Variants in INTS3 observed in about 807,000 individuals in gnomAD.
The protein encoded by INTS3 is SOSS complex subunit A.
Under a neutral mutation model 146.3 loss-of-function variants are expected in INTS3, and 34 were observed. The ratio of observed to expected loss-of-function variants is 0.23; its 90% CI spans 0.18 to 0.31. The LOEUF (loss-of-function observed/expected upper bound fraction) is 0.31, where lower values mean the gene tolerates loss of function less well. Ranked by LOEUF, INTS3 falls within the 10% of genes least tolerant of loss-of-function variation. INTS3 has a pLI of 1.00. For missense variants in INTS3, 757 were observed against 1,304.2 expected, an observed-to-expected ratio of 0.58 and a Z score of 6.46; for synonymous variants, 475 against 494.9, an observed-to-expected ratio of 0.96 and a Z score of 0.53.
rs1672815752 is a variant in INTS3, at chr1:153,770,689, C to G, written c.2508C>G (p.His836Gln). The change falls in exon 25 of 30, where the codon CAC becomes CAG. Residue 836 changes from histidine (H) to glutamine (Q), a missense_variant. His to Gln is a conservative substitution (Grantham distance 24). This residue lies in a region of INTS3 where 116 missense variants were observed against 226.5 expected (regional missense o/e 0.51). Transcript: ENST00000318967. ...PILQHLKYKE[H>Q]PEALSCLLLQ... Reference sequence around the variant, plus strand: ...GCCTCTGCCCTTCCCTCACAGAGCACCCAGAGGCCCTGTCCTGCCTACTGC... The same window carrying G: ...GCCTCTGCCCTTCCCTCACAGAGCAGCCAGAGGCCCTGTCCTGCCTACTGC... The G allele has an allele frequency of 6.2e-7, 1 of 1,613,506 alleles. No individual in the cohort carries two copies. Among genetic ancestry groups the G allele is most frequent in the African/African-American group, 1.3e-5 (1 of 74,902 alleles).
At chr1:153,761,529 G>C in intron 13 of INTS3, 41 bp from the exon 14 acceptor site, 1 of 1,378,588 alleles carries the variant, frequency 7.3e-7, no homozygotes, top group South Asian at 1.2e-5. Flanking sequence ...ATAAAAATAA[G>C]AGAAGCTCTG....
At chr1:153,749,259 A>T (rs1671868318) in intron 6 of INTS3, among the ~76,000 whole-genome samples, 1 of 152,148 alleles carries the variant, frequency 6.6e-6, no homozygotes, top group South Asian at 2.1e-4. Flanking sequence ...TAGAGGGTGC[A>T]TCAGGGGGTA....
At chr1:153,763,474 G>A (rs558620304) in intron 16 of INTS3, 112 bp downstream of exon 16, 1 of 1,168,494 alleles carries the variant, frequency 8.6e-7, no homozygotes, top group African/African-American at 1.5e-5. Context: ...ATAGGAGTGT[G>A]TGGAGAGGTA....
chr1:153,764,241 A>T lies in INTS3; in HGVS notation c.1925+20A>T. 6.5e-7 allele frequency: 1 copy of T among 1,549,420 alleles called. No homozygotes were observed. Among genetic ancestry groups the T allele is most frequent in the Non-Finnish European group, 8.9e-7 (1 of 1,122,154 alleles). Reference sequence around the variant, plus strand: ...TGAGGAGTAAGGCTGATTTTCCCTCACTCCAGAGCCTCAGGAGCCAGAGGG... The same window carrying T: ...TGAGGAGTAAGGCTGATTTTCCCTCTCTCCAGAGCCTCAGGAGCCAGAGGG... On this transcript the variant is annotated intron_variant, in intron 18 of 29. Transcript: ENST00000318967.
rs1157606413 is a variant in INTS3 at position 153,757,481 on chromosome 1, G to A, written c.958-91G>A. 2.7e-6 allele frequency: 3 copies of A among 1,094,676 alleles called. No individual in the cohort carries two copies. The highest frequency in any genetic ancestry group is 4.1e-6 in the Non-Finnish European group (3 of 736,576). 67.8% of individuals were successfully genotyped at this position (1,094,676 alleles called of 1,614,324 possible). A position where few individuals can be genotyped will look rare whatever the true frequency, so the allele number is the denominator to read the frequency against. ...AATTGTGGAGAAATAGAGGTCTAGG[G>A]CAAACCTAGAGTTAAGTGGTGCTCG... On this transcript the variant is annotated intron_variant, in intron 9 of 29. Transcript: ENST00000318967. This position sits in a 1 kb window ranked among gnomAD's most constrained non-coding sequence, Gnocchi z 4.0.
At chr1:153,747,184 A>C in intron 4 of INTS3, 95 bp from the exon 5 acceptor site, 1 of 1,305,182 alleles carries the variant, frequency 7.7e-7, no homozygotes, top group Non-Finnish European at 1.1e-6. Context: ...TTGTGTGTCT[A>C]AATTGTAATG....
At chr1:153,749,057 G>T (rs916994974) in intron 6 of INTS3, among the ~76,000 whole-genome samples, 1 of 152,152 alleles carries the variant, frequency 6.6e-6, no homozygotes, top group African/African-American at 2.4e-5. Flanking sequence ...GGGAAGTTGG[G>T]GAGGAATGAG....
rs1248580914 is a variant in INTS3, at chr1:153,772,199, C to G, written c.2721-141C>G. ...CCTGTTCTAGGCACACCTTTCTCAC[C>G]CAACCCCAGCCCTCCCAGGCTGCCT... is the stretch of plus-strand genomic sequence containing the variant. On this transcript the variant is annotated intron_variant, in intron 26 of 29. Coordinates refer to ENST00000318967, the MANE Select transcript of INTS3 (RefSeq NM_023015.5). This position sits in a 1 kb window ranked among gnomAD's most constrained non-coding sequence, Gnocchi z 4.6. The G allele has an allele frequency of 1.9e-6, 2 of 1,043,058 alleles. No homozygotes were observed. Among genetic ancestry groups the G allele is most frequent in the Non-Finnish European group, 2.8e-6 (2 of 714,722 alleles). The allele number at this position is 1,043,058 out of a possible 1,614,324, so 64.6% of individuals were successfully genotyped here.
intron 1 of INTS3, among the ~76,000 whole-genome samples, 154 bp from the exon 2 acceptor site, chr1:153,740,497 T>A (rs1180192447): frequency 6.6e-6 from 1 of 152,240 alleles, no homozygotes; most frequent in Non-Finnish European, 1.5e-5. Flanking sequence ...CATTTTAGAT[T>A]TTGCTGGTTT....
In INTS3 at chr1:153,728,217, C is replaced by T. The variant is rs1030914600; in HGVS notation, c.-418C>T. On this transcript the variant is annotated 5_prime_UTR_variant, in exon 1 of 30. Transcript: ENST00000318967. Reference sequence around the variant, plus strand: ...TTGGGGCATCAGCCAGGAAGGTTTCCTACCTCCTAATTCAGGGGCAGGACT... The same window carrying T: ...TTGGGGCATCAGCCAGGAAGGTTTCTTACCTCCTAATTCAGGGGCAGGACT... The T allele has an allele frequency of 7.6e-6, 3 of 397,294 alleles. No individual in the cohort carries two copies. Among genetic ancestry groups the T allele is most frequent in the Admixed American group, 4.4e-5 (1 of 22,682 alleles). 24.6% of individuals were successfully genotyped at this position (397,294 alleles called of 1,614,324 possible).
chr1:153,759,652 C>T (rs1672299927), intron 11 of INTS3, 39 bp downstream of exon 11: 2 of 1,307,470 alleles, frequency 1.5e-6, no homozygotes, highest in East Asian at 2.3e-5. Flanking sequence ...TTCCCCATCC[C>T]CCTAAGCCCC....
Position 153,762,794 on chromosome 1 carries a change from A to T in INTS3, c.1583A>T (p.Tyr528Phe). The T allele has an allele frequency of 6.2e-7, 1 of 1,614,180 alleles. No individual in the cohort carries two copies. Among genetic ancestry groups the T allele is most frequent in the Admixed American group, 1.7e-5 (1 of 60,022 alleles). The change falls in exon 15 of 30, where the codon TAT becomes TTT. Residue 528 changes from tyrosine (Y) to phenylalanine (F), a missense_variant. Around this residue, in one of 8 missense-constraint regions of INTS3, gnomAD observed 97 missense variants for 113.6 expected, o/e 0.85. Coordinates refer to ENST00000318967, the MANE Select transcript of INTS3 (RefSeq NM_023015.5). Reference protein sequence around the residue: ...NHMSDKDESCYDNAEAAFSDD... With the variant: ...NHMSDKDESCFDNAEAAFSDD... ...ATGTCGGATAAGGATGAGAGTTGCTATGACAATGCAGAGGCAGCCTTCAGT... is the reference window on the plus strand; with the variant it reads ...ATGTCGGATAAGGATGAGAGTTGCTTTGACAATGCAGAGGCAGCCTTCAGT...
At chr1:153,754,179 C>T (rs897387479) in intron 8 of INTS3, among the ~76,000 whole-genome samples, 1 of 152,032 alleles carries the variant, frequency 6.6e-6, no homozygotes, top group African/African-American at 2.4e-5. Context: ...GCACATCTCA[C>T]GCATGAGTGT....
rs779186348 is a variant in INTS3 at position 153,773,284 on chromosome 1, C to A, written c.*14C>A. On this transcript the variant is annotated 3_prime_UTR_variant, in exon 30 of 30. Transcript: ENST00000318967. ...GACAGTGACTGAGGCCCTGCATTCCCCATCCCACCCCCGGCTGGACTGCCC... is the reference window on the plus strand; with the variant it reads ...GACAGTGACTGAGGCCCTGCATTCCACATCCCACCCCCGGCTGGACTGCCC... 1.2e-6 allele frequency: 2 copies of A among 1,610,824 alleles called. No homozygotes were observed. Among genetic ancestry groups the A allele is most frequent in the Non-Finnish European group, 1.7e-6 (2 of 1,176,988 alleles).
At position 153,728,283 on chromosome 1, in the gene INTS3, G is replaced by A. The variant is rs915213450; in HGVS notation, c.-352G>A. The A allele has an allele frequency of 5.1e-6, 2 of 390,162 alleles. No individual in the cohort carries two copies. The highest frequency in any genetic ancestry group is 4.1e-5 in the African/African-American group (2 of 48,398). 24.2% of individuals were successfully genotyped at this position (390,162 alleles called of 1,614,324 possible). On this transcript the variant is annotated 5_prime_UTR_variant, in exon 1 of 30. Transcript: ENST00000318967. ...CGGGGAAAAGAGGCAGAAACTTAGG[G>A]GTTTCCCTCCTTTCTTAGGGTCAGA...
Position 153,768,920 on chromosome 1 carries a change from G to T in INTS3, c.2272G>T (p.Glu758Ter), listed in dbSNP as rs1194668615. 2 of 1,614,022 alleles carry T rather than the reference G, an allele frequency of 1.2e-6. No homozygotes were observed. The highest frequency in any genetic ancestry group is 1.7e-6 in the Non-Finnish European group (2 of 1,179,972). Residue 758 changes from glutamate (E) to a stop codon, truncating the protein, a stop_gained, in exon 22 of 30, where the codon GAG becomes TAG. Transcript: ENST00000318967. LOFTEE classifies it high-confidence loss of function. ...TCCAGATGAAACCTTGAGGAGCGGA[G>T]AGCTGCTGAACATGATCGTGGCTGT... ...EFPDETLRSG[E>*]LLNMIVAVID...
At chr1:153,760,960 T>G (rs1235472245) in intron 13 of INTS3, 42 bp downstream of exon 13, 2 of 1,592,702 alleles carry the variant, frequency 1.3e-6, no homozygotes. Context: ...TTCCCATTTT[T>G]CATTAGGTCC....
In INTS3 at chr1:153,767,840, A is replaced by G. The variant is rs765865278; in HGVS notation, c.2244+13A>G. The G allele has an allele frequency of 3.1e-6, 5 of 1,595,860 alleles. No individual in the cohort carries two copies. The highest frequency in any genetic ancestry group is 1.1e-5 in the South Asian group (1 of 89,774). On this transcript the variant is annotated intron_variant, in intron 21 of 29. Coordinates refer to ENST00000318967, the MANE Select transcript of INTS3 (RefSeq NM_023015.5). ...CATCTACACAGAGGTCAGTGCCTGC[A>G]TCCGTATCTGTGCCGGGGGGCTCAC...
chr1:153,746,515 C>G (rs919508874), intron 3 of INTS3, among the ~76,000 whole-genome samples: 9 of 152,236 alleles, frequency 5.9e-5, no homozygotes, highest in Non-Finnish European at 1.3e-4. Context: ...ATTCTCCTGC[C>G]TCAGCCTCCC....
Sources: allele counts gnomAD v4.1 joint callset (sites outside exome capture counted in the v4.1 genomes callset), GRCh38; gene constraint gnomAD v4.1.1; regional missense constraint gnomAD v4.1.1; non-coding constraint Gnocchi (gnomAD v3.1); transcripts MANE v1.5; gene names NCBI Gene and HGNC (gene_info 2026-07-23, HGNC 2026-07-21).